VPS13A: variants seen among roughly 807,000 people sequenced by gnomAD.
VPS13A encodes the protein vacuolar protein sorting 13 homolog A, also known as intermembrane lipid transfer protein VPS13A.
Under a neutral mutation model 390.9 loss-of-function variants are expected in VPS13A, and 264 were observed. The observed-to-expected ratio is 0.68, with a 90% CI of 0.61 to 0.75. The LOEUF (loss-of-function observed/expected upper bound fraction) is 0.75, where lower values mean the gene tolerates loss of function less well. Among genes scored for constraint, VPS13A ranks in the 30% least tolerant of loss-of-function variants. VPS13A has a pLI of 0.00. For missense variants in VPS13A, 3,409 were observed against 3,733.9 expected, an observed-to-expected ratio of 0.91 and a Z score of 2.27; for synonymous variants, 1,231 against 1,227.1, an observed-to-expected ratio of 1.00 and a Z score of -0.07.
chr9:77,255,135 G>C (rs1168279531), intron 22 of VPS13A, among the ~76,000 whole-genome samples: 1 of 152,040 alleles, frequency 6.6e-6, no homozygotes, highest in East Asian at 1.9e-4. Context: ...GGGTTTTTAT[G>C]GATGACCTTT....
In VPS13A at chr9:77,295,539, C is replaced by T; in HGVS notation, c.3508-3C>T. 1.9e-6 allele frequency: 3 copies of T among 1,597,080 alleles called. No individual in the cohort carries two copies. The highest frequency in any genetic ancestry group is 2.6e-6 in the Non-Finnish European group (3 of 1,169,416). On this transcript the variant is annotated splice_polypyrimidine_tract_variant and splice_region_variant and intron_variant, in intron 32 of 71. Transcript: ENST00000360280. ...TTAAGAATATAATTCTGTTATCTTACAGGCTTTTATAGATAATTTTCAGGC... is the reference window on the plus strand; with the variant it reads ...TTAAGAATATAATTCTGTTATCTTATAGGCTTTTATAGATAATTTTCAGGC...
intron 68 of VPS13A, among the ~76,000 whole-genome samples, chr9:77,401,770 G>C (rs1218470620): frequency 1.3e-5 from 2 of 152,118 alleles, no homozygotes; most frequent in Admixed American, 1.3e-4. Flanking sequence ...CATTTCCACA[G>C]TTGCTTTCTG....
intron 22 of VPS13A, among the ~76,000 whole-genome samples, chr9:77,253,822 TTTC>T (rs1204086294): frequency 1.3e-5 from 2 of 152,110 alleles, no homozygotes; most frequent in Non-Finnish European, 1.5e-5. Context: ...TCATAAAGCT[TTTC>T]TTCTTTGTTT....
intron 24 of VPS13A, among the ~76,000 whole-genome samples, chr9:77,274,467 T>C (rs1456741206): frequency 6.6e-6 from 1 of 151,238 alleles, no homozygotes; most frequent in Non-Finnish European, 1.5e-5. Flanking sequence ...CACTAATAAG[T>C]TAATTATCTT....
At chr9:77,271,660 G>C (rs1826361205) in intron 23 of VPS13A, among the ~76,000 whole-genome samples, 1 of 152,178 alleles carries the variant, frequency 6.6e-6, no homozygotes, top group Non-Finnish European at 1.5e-5. Flanking sequence ...GTGATGGGCA[G>C]TGATTGAGTG....
intron 45 of VPS13A, among the ~76,000 whole-genome samples, chr9:77,325,312 C>T (rs772622278): frequency 2.0e-5 from 3 of 152,002 alleles, no homozygotes; most frequent in Non-Finnish European, 2.9e-5. Flanking sequence ...GGCCACAGAC[C>T]GGTACAGCCC....
intron 1 of VPS13A, among the ~76,000 whole-genome samples, chr9:77,180,777 G>T (rs1382051564): frequency 6.6e-6 from 1 of 152,128 alleles, no homozygotes; most frequent in Admixed American, 6.6e-5. Context: ...CTCAATCTGT[G>T]TGTCTATCAT....
chr9:77,385,160 C>T (rs1833627331), intron 68 of VPS13A: 23 of 936,588 alleles, frequency 2.5e-5, no homozygotes, highest in Non-Finnish European at 2.6e-5. Context: ...TGTCAAATTT[C>T]TTTTAATAAT....
At chr9:77,240,595 A>G (rs1824431932) in intron 19 of VPS13A, among the ~76,000 whole-genome samples, 1 of 148,038 alleles carries the variant, frequency 6.8e-6, no homozygotes, top group Non-Finnish European at 1.5e-5. Context: ...TTTTTGCCTC[A>G]GCCTTCTGAG....
Position 77,416,249 on chromosome 9 carries a change from C to T in VPS13A, c.*243C>T. On this transcript the variant is annotated 3_prime_UTR_variant, in exon 72 of 72. Coordinates refer to ENST00000360280, the MANE Select transcript of VPS13A (RefSeq NM_033305.3). ...ACCCGGTTTTCTAAATTGAATCATG[C>T]ATCTATTTATAATTCTAATTATTTT... 1 of 435,602 alleles carries T rather than the reference C, an allele frequency of 2.3e-6. No individual in the cohort carries two copies. Among genetic ancestry groups the T allele is most frequent in the Non-Finnish European group, 4.2e-6 (1 of 237,232 alleles). 27.0% of individuals were successfully genotyped at this position (435,602 alleles called of 1,614,324 possible). A position where few individuals can be genotyped will look rare whatever the true frequency, so the allele number is the denominator to read the frequency against.
intron 29 of VPS13A, among the ~76,000 whole-genome samples, chr9:77,282,621 A>C (rs1331079916): frequency 6.6e-6 from 1 of 152,176 alleles, no homozygotes; most frequent in Non-Finnish European, 1.5e-5. Flanking sequence ...AGATTAGACA[A>C]ATATGACTAA....
At position 77,366,693 on chromosome 9, in the gene VPS13A, A is replaced by T. The variant is rs563868466; in HGVS notation, c.8326-34A>T. The stretch of plus-strand genomic sequence containing the variant: ...AGTTAAAATTGTCAATATGAAGAAA[A>T]TACTTTTAAATATTTATCTCTTTAT... On this transcript the variant is annotated intron_variant, in intron 60 of 71. Coordinates refer to ENST00000360280, the MANE Select transcript of VPS13A (RefSeq NM_033305.3). 92 of 1,556,104 alleles carry T rather than the reference A, an allele frequency of 5.9e-5. No individual in the cohort carries two copies. In the South Asian group the frequency reaches 9.9e-4, roughly 17 times the overall value.
At chr9:77,374,391 G>T (rs116384025) in intron 67 of VPS13A, among the ~76,000 whole-genome samples, 1 of 152,048 alleles carries the variant, frequency 6.6e-6, no homozygotes, top group Non-Finnish European at 1.5e-5. Context: ...CTGTAATACC[G>T]CAATAGTCAG....
intron 54 of VPS13A, among the ~76,000 whole-genome samples, chr9:77,355,755 C>T (rs774751298): frequency 1.2e-4 from 18 of 152,110 alleles, no homozygotes; most frequent in Non-Finnish European, 2.5e-4. Flanking sequence ...TCTTCGATTC[C>T]TCTCTTTATC....
intron 71 of VPS13A, among the ~76,000 whole-genome samples, chr9:77,409,482 C>CA (rs1834802554): frequency 1.3e-5 from 2 of 152,128 alleles, no homozygotes; most frequent in South Asian, 4.1e-4. Flanking sequence ...AAGAAGGCTT[C>CA]AGATGATCAA....
At chr9:77,214,452 G>A (rs1004114187) in intron 10 of VPS13A, 66 bp downstream of exon 10, 4 of 1,329,868 alleles carry the variant, frequency 3.0e-6, no homozygotes, top group African/African-American at 2.9e-5. Context: ...AATTAGCATT[G>A]TTGCTATCAC....
chr9:77,300,650 T>G (rs1172742019), intron 33 of VPS13A, among the ~76,000 whole-genome samples: 1 of 152,218 alleles, frequency 6.6e-6, no homozygotes, highest in Non-Finnish European at 1.5e-5. Flanking sequence ...GAGAATCACT[T>G]GAGCCTGGAA....
chr9:77,260,855 ATG>A (rs1400895334), intron 23 of VPS13A, among the ~76,000 whole-genome samples: 15 of 151,708 alleles, frequency 9.9e-5, no homozygotes, highest in Admixed American at 7.2e-4. Context: ...AAGAACATGC[ATG>A]TGTGTGTGTA....
At chr9:77,407,846 T>A (rs1265685927) in intron 71 of VPS13A, among the ~76,000 whole-genome samples, 1 of 152,184 alleles carries the variant, frequency 6.6e-6, no homozygotes, top group East Asian at 1.9e-4. Flanking sequence ...TCCATCTTAT[T>A]TTAAATGCTA....
Sources: gnomAD v4.1 joint callset for allele counts (sites outside exome capture counted in the v4.1 genomes callset) on GRCh38, gnomAD v4.1.1 for gene constraint, MANE v1.5 for transcripts, NCBI Gene and HGNC (gene_info 2026-07-23, HGNC 2026-07-21) for gene names.